CACNA2D3: variants seen among roughly 807,000 people sequenced by gnomAD.
CACNA2D3 encodes voltage-dependent calcium channel subunit alpha-2/delta-3.
A neutral mutation model predicts 160.6 loss-of-function variants in CACNA2D3; 60 were observed. The ratio of observed to expected loss-of-function variants is 0.37; its 90% CI spans 0.30 to 0.46. The LOEUF is 0.46. CACNA2D3 is among the 20% of genes least tolerant of loss of function. The pLI is 1.00. For missense variants in CACNA2D3, 1,205 were observed against 1,365.0 expected (o/e 0.88, Z 1.85); for synonymous variants, 558 against 492.9 (o/e 1.13, Z -1.75).
chr3:54,770,957 GA>G (rs555893660), intron 13 of CACNA2D3, among the ~76,000 whole-genome samples: 27 of 151,810 alleles, frequency 1.8e-4, no homozygotes, highest in African/African-American at 6.0e-4. Flanking sequence ...AAACTAGGGA[GA>G]AAAAAAACAT....
At chr3:54,407,619 A>G (rs1458251954) in intron 4 of CACNA2D3, among the ~76,000 whole-genome samples, 1 of 152,194 alleles carries the variant, frequency 6.6e-6, no homozygotes, top group East Asian at 1.9e-4. Context: ...AACACACACT[A>G]TCATTTCATT....
chr3:54,145,484 T>C (rs1251673139), intron 2 of CACNA2D3, among the ~76,000 whole-genome samples: 2 of 152,220 alleles, frequency 1.3e-5, no homozygotes, highest in Non-Finnish European at 2.9e-5. Flanking sequence ...AGTGTCCCTC[T>C]CAGCCATTTA....
chr3:54,616,886 C>G (rs1698863269), intron 9 of CACNA2D3, among the ~76,000 whole-genome samples: 1 of 152,084 alleles, frequency 6.6e-6, no homozygotes, highest in Non-Finnish European at 1.5e-5. Context: ...CTCATGAGGA[C>G]TCAGGGACAA....
intron 13 of CACNA2D3, among the ~76,000 whole-genome samples, chr3:54,767,004 G>A (rs1447693578): frequency 6.7e-6 from 1 of 150,340 alleles, no homozygotes; most frequent in Non-Finnish European, 1.5e-5. Context: ...GTTACCAACA[G>A]AACTATCATT....
chr3:54,277,313 C>T (rs1410699214), intron 2 of CACNA2D3, among the ~76,000 whole-genome samples: 2 of 152,158 alleles, frequency 1.3e-5, no homozygotes, highest in Non-Finnish European at 2.9e-5. Context: ...TATACGATGT[C>T]ACGAAGGGGT....
intron 5 of CACNA2D3, among the ~76,000 whole-genome samples, chr3:54,561,269 TCTC>T (rs1391934042): frequency 6.6e-6 from 1 of 152,204 alleles, no homozygotes; most frequent in Admixed American, 6.5e-5. Context: ...GGTTTGTAGT[TCTC>T]CTTGTAGAGA....
At chr3:54,918,756 G>T in intron 27 of CACNA2D3, 1 of 1,614,088 alleles carries the variant, frequency 6.2e-7, no homozygotes, top group Non-Finnish European at 8.5e-7. Context: ...GGGCAGAGCC[G>T]GGCCACTGAG....
At chr3:54,667,754 G>A (rs1700092271) in intron 11 of CACNA2D3, among the ~76,000 whole-genome samples, 1 of 152,078 alleles carries the variant, frequency 6.6e-6, no homozygotes, top group Non-Finnish European at 1.5e-5. Flanking sequence ...AGATCAACCT[G>A]TGTAACATAG....
chr3:55,026,300 T>C (rs1703562121), intron 35 of CACNA2D3, among the ~76,000 whole-genome samples: 1 of 152,140 alleles, frequency 6.6e-6, no homozygotes, highest in South Asian at 2.1e-4. Flanking sequence ...AGAAAACAAA[T>C]TAGGGTCATA....
intron 8 of CACNA2D3, among the ~76,000 whole-genome samples, chr3:54,571,635 G>A (rs1389754211): frequency 6.6e-6 from 1 of 150,434 alleles, no homozygotes; most frequent in African/African-American, 2.4e-5. Context: ...GTGTGTGTGT[G>A]TGTGTGTGTG....
intron 14 of CACNA2D3, among the ~76,000 whole-genome samples, chr3:54,825,008 C>A (rs1302453230): frequency 6.6e-6 from 1 of 152,118 alleles, no homozygotes; most frequent in Non-Finnish European, 1.5e-5. Context: ...CTTAGAAATC[C>A]AGTGTCTTCT....
chr3:55,015,659 C>T (rs906853220), intron 34 of CACNA2D3, among the ~76,000 whole-genome samples: 3 of 152,108 alleles, frequency 2.0e-5, no homozygotes, highest in Admixed American at 6.6e-5. Flanking sequence ...ACTTGCCATA[C>T]AGAGAAATCT....
chr3:54,830,833 A>T (rs1002893569), intron 14 of CACNA2D3, among the ~76,000 whole-genome samples: 1 of 152,130 alleles, frequency 6.6e-6, no homozygotes, highest in Non-Finnish European at 1.5e-5. Context: ...TTTGTCGTCC[A>T]GGACCTCGTG....
chr3:54,720,427 A>AT (rs754522138), intron 11 of CACNA2D3, among the ~76,000 whole-genome samples: 7 of 152,004 alleles, frequency 4.6e-5, no homozygotes, highest in African/African-American at 7.2e-5. Context: ...AAATTTTATG[A>AT]TTTTTAGTTT....
At chr3:54,227,774 T>G (rs1234852380) in intron 2 of CACNA2D3, among the ~76,000 whole-genome samples, 1 of 152,058 alleles carries the variant, frequency 6.6e-6, no homozygotes, top group Non-Finnish European at 1.5e-5. Context: ...TGATCTTGAT[T>G]TCCTGACCTC....
intron 27 of CACNA2D3, among the ~76,000 whole-genome samples, chr3:54,901,519 T>C (rs1392036862): frequency 6.6e-6 from 1 of 152,176 alleles, no homozygotes; most frequent in Non-Finnish European, 1.5e-5. Context: ...TGCCAGTCTA[T>C]TGTCGAGTTG....
At chr3:54,827,293 A>G (rs1703768412) in intron 14 of CACNA2D3, among the ~76,000 whole-genome samples, 1 of 152,272 alleles carries the variant, frequency 6.6e-6, no homozygotes, top group African/African-American at 2.4e-5. Context: ...AAGGCTACGT[A>G]GATGCAAAAC....
chr3:54,150,689 G>GTCC (rs1207584192), intron 2 of CACNA2D3, among the ~76,000 whole-genome samples: 1 of 152,186 alleles, frequency 6.6e-6, no homozygotes, highest in Non-Finnish European at 1.5e-5. Context: ...TGGAAGAGGC[G>GTCC]TAAGTCATAC....
At chr3:54,350,717 G>A (rs182928424) in intron 3 of CACNA2D3, among the ~76,000 whole-genome samples, 7 of 152,292 alleles carry the variant, frequency 4.6e-5, no homozygotes, top group Admixed American at 4.6e-4. Context: ...CCACAAGAGT[G>A]AGCTTTCGAG....
Sources: allele counts gnomAD v4.1 joint callset (sites outside exome capture counted in the v4.1 genomes callset), GRCh38; gene constraint gnomAD v4.1.1; transcripts MANE v1.5; gene names NCBI Gene and HGNC (gene_info 2026-07-23, HGNC 2026-07-21).